Variants in MBD2 observed in about 807,000 individuals in gnomAD.
MBD2 encodes the protein methyl-CpG-binding domain protein 2.
Under a neutral mutation model 39.3 loss-of-function variants are expected in MBD2, and 9 were observed. The ratio of observed to expected loss-of-function variants is 0.23; its 90% CI spans 0.14 to 0.40. The LOEUF (loss-of-function observed/expected upper bound fraction) is 0.40. MBD2 is among the 10% of genes least tolerant of loss of function. MBD2 has a pLI of 1.00. For missense variants in MBD2, 458 were observed against 532.6 expected, an observed-to-expected ratio of 0.86 and a Z score of 1.38; for synonymous variants, 233 against 211.1, an observed-to-expected ratio of 1.10 and a Z score of -0.90.
chr18:54,175,649 A>G (rs924647324), intron 3 of MBD2, among the ~76,000 whole-genome samples: 8 of 152,142 alleles, frequency 5.3e-5, no homozygotes, highest in African/African-American at 1.9e-4. Context: ...CCCTCCCACT[A>G]GTAGAGAGAA....
chr18:54,187,476 C>T (rs1379259294), intron 3 of MBD2, among the ~76,000 whole-genome samples: 7 of 152,144 alleles, frequency 4.6e-5, no homozygotes, highest in Admixed American at 4.6e-4. Flanking sequence ...AGAAAGAATA[C>T]AACCAGGGAA....
intron 3 of MBD2, 145 bp downstream of exon 3, chr18:54,188,727 CTT>C (rs1307438362): frequency 1.3e-6 from 1 of 744,032 alleles, no homozygotes; most frequent in East Asian, 2.7e-5. Context: ...ATTTTGCATA[CTT>C]CAGCATTCAT....
chr18:54,160,115 C>T, intron 5 of MBD2: 1 of 500,004 alleles, frequency 2.0e-6, no homozygotes. Context: ...GGCAGTTATC[C>T]CTCATCACAC....
intron 3 of MBD2, among the ~76,000 whole-genome samples, chr18:54,177,265 A>C (rs568105100): frequency 1.3e-5 from 2 of 152,170 alleles, no homozygotes; most frequent in Non-Finnish European, 2.9e-5. Flanking sequence ...TCAGATTCAA[A>C]GTTTTATGAA....
intron 1 of MBD2, among the ~76,000 whole-genome samples, chr18:54,212,579 T>C (rs1228500068): frequency 2.0e-5 from 3 of 152,152 alleles, no homozygotes; most frequent in African/African-American, 4.8e-5. Flanking sequence ...TGTTGACAAA[T>C]TGTTTAAGCT....
chr18:54,157,321 C>T (rs996540281), intron 6 of MBD2, among the ~76,000 whole-genome samples: 82 of 151,186 alleles, frequency 5.4e-4, no homozygotes, highest in Admixed American at 5.3e-4. Flanking sequence ...AGTGCAGTGG[C>T]GCGATCTCGG....
rs1404587785 is a variant in MBD2, at chr18:54,164,645, C to G, written c.987G>C (p.Leu329Phe). The change falls in exon 5 of 7, where the codon TTG (leucine) becomes TTC (phenylalanine). Residue 329 changes from leucine (L) to phenylalanine (F), a missense_variant. Coordinates refer to ENST00000256429, the MANE Select transcript of MBD2 (RefSeq NM_003927.5). ...ETLLSAVASA[L>F]HTSSAPITGQ... ...CTGTGATTGGCGCAGAGCTTGTGTG[C>G]AAAGCACTGGCAACAGCAGATAAAA... 6.2e-7 allele frequency: 1 copy of G among 1,614,058 alleles called. No individual in the cohort carries two copies. Among genetic ancestry groups the G allele is most frequent in the Admixed American group, 1.7e-5 (1 of 60,008 alleles).
intron 1 of MBD2, 147 bp from the exon 2 acceptor site, chr18:54,205,304 G>T (rs919511863): frequency 4.1e-6 from 3 of 737,286 alleles, no homozygotes; most frequent in Non-Finnish European, 6.4e-6. Flanking sequence ...AGGCGCGATG[G>T]CTCACGCCTA....
chr18:54,206,188 G>C (rs2086448610), intron 1 of MBD2, among the ~76,000 whole-genome samples: 1 of 152,180 alleles, frequency 6.6e-6, no homozygotes, highest in South Asian at 2.1e-4. Flanking sequence ...AGCATATGAA[G>C]AATAATTTAC....
chr18:54,219,800 C>T (rs747346276), intron 1 of MBD2, among the ~76,000 whole-genome samples: 13 of 152,116 alleles, frequency 8.5e-5, no homozygotes, highest in Non-Finnish European at 1.6e-4. Flanking sequence ...GGCACACACA[C>T]ACACACATAT....
chr18:54,188,746 G>C, intron 3 of MBD2, 128 bp downstream of exon 3: 1 of 984,898 alleles, frequency 1.0e-6, no homozygotes, highest in Non-Finnish European at 1.5e-6. Flanking sequence ...TCATGTAATA[G>C]CCTAGGACAT....
rs1198077063 is a variant in MBD2, at chr18:54,152,861, G to A, written c.*2463C>T. On this transcript the variant is annotated 3_prime_UTR_variant, in exon 7 of 7. Transcript: ENST00000256429. Reference sequence around the variant, plus strand: ...ATTCCTATTTCACTGAGGAGGGACAGGCTCAAAGAGATTAAATAACCTGAC... The same window carrying A: ...ATTCCTATTTCACTGAGGAGGGACAAGCTCAAAGAGATTAAATAACCTGAC... 6.6e-6 allele frequency: 1 copy of A among 152,216 alleles called. No individual in the cohort carries two copies. The highest frequency in any genetic ancestry group is 6.5e-5 in the Admixed American group (1 of 15,280). The allele number at this position is 152,216 out of a possible 1,614,324, so 9.4% of individuals were successfully genotyped here. A position where few individuals can be genotyped will look rare whatever the true frequency, so the allele number is the denominator to read the frequency against.
At chr18:54,193,615 A>G (rs1187013220) in intron 2 of MBD2, among the ~76,000 whole-genome samples, 1 of 152,158 alleles carries the variant, frequency 6.6e-6, no homozygotes, top group African/African-American at 2.4e-5. Flanking sequence ...CCCAAAGGAC[A>G]AAATACACAA....
intron 4 of MBD2, among the ~76,000 whole-genome samples, chr18:54,165,558 G>A (rs1482207862): frequency 6.6e-6 from 1 of 152,202 alleles, no homozygotes; most frequent in Non-Finnish European, 1.5e-5. Flanking sequence ...ATGTAGACTA[G>A]TGACTGAGTT....
chr18:54,169,809 A>G (rs2086166937), intron 3 of MBD2, among the ~76,000 whole-genome samples: 2 of 152,220 alleles, frequency 1.3e-5, no homozygotes, highest in South Asian at 2.1e-4. Context: ...ACAGTGATTT[A>G]ATATTTGGAG....
intron 2 of MBD2, among the ~76,000 whole-genome samples, chr18:54,200,412 T>C (rs915427821): frequency 6.6e-6 from 1 of 152,182 alleles, no homozygotes; most frequent in African/African-American, 2.4e-5. Flanking sequence ...TGTTTATACA[T>C]CTAAAACACT....
chr18:54,207,792 C>T (rs1434718386), intron 1 of MBD2, among the ~76,000 whole-genome samples: 1 of 152,086 alleles, frequency 6.6e-6, no homozygotes, highest in Non-Finnish European at 1.5e-5. Flanking sequence ...AATCCCAGCA[C>T]TTTGGGAGGC....
intron 2 of MBD2, among the ~76,000 whole-genome samples, chr18:54,197,529 G>C (rs1340130303): frequency 1.3e-5 from 2 of 152,160 alleles, no homozygotes; most frequent in South Asian, 2.1e-4. Context: ...ATTTAAAATT[G>C]ATTTTATTTA....
At position 54,224,133 on chromosome 18, in the gene MBD2, C is replaced by G. The variant is rs749366777; in HGVS notation, c.427G>C (p.Ala143Pro). 7.7e-6 allele frequency: 12 copies of G among 1,551,582 alleles called. No homozygotes were observed. The highest frequency in any genetic ancestry group is 2.3e-5 in the South Asian group (2 of 86,870). ...TCCATCCTCTTCCCGCTCTCCGTGG[C>G]CCGGGGTCCCCTGGGCCCCGGCCCC... ...SAGPGPRGPR[A>P]TESGKRMDCP... Residue 143 changes from alanine (A) to proline (P), a missense_variant, in exon 1 of 7, where the codon GCC (alanine) becomes CCC (proline). This residue lies in a region of MBD2 where 269 missense variants were observed against 236.0 expected (regional missense o/e 1.14). Coordinates refer to ENST00000256429, the MANE Select transcript of MBD2 (RefSeq NM_003927.5).
Sources: allele counts gnomAD v4.1 joint callset (sites outside exome capture counted in the v4.1 genomes callset), GRCh38; gene constraint gnomAD v4.1.1; regional missense constraint gnomAD v4.1.1; transcripts MANE v1.5; gene names NCBI Gene and HGNC (gene_info 2026-07-23, HGNC 2026-07-21).